Variants in ANGPT4 observed in about 807,000 individuals in gnomAD.
The protein encoded by ANGPT4 is angiopoietin-4.
In ANGPT4, 50 loss-of-function variants were observed where a neutral mutation model predicts 53.0. The ratio of observed to expected loss-of-function variants is 0.94; its 90% CI spans 0.75 to 1.20. The LOEUF (loss-of-function observed/expected upper bound fraction) is 1.20. Among genes scored for constraint, ANGPT4 ranks in the 50% most tolerant of loss-of-function variants. ANGPT4 has a pLI of 0.00. For missense variants in ANGPT4, 648 were observed against 637.1 expected, an observed-to-expected ratio of 1.02 and a Z score of -0.18; for synonymous variants, 251 against 259.7, an observed-to-expected ratio of 0.97 and a Z score of 0.32.
intron 1 of ANGPT4, among the ~76,000 whole-genome samples, chr20:899,890 G>A (rs894071226): frequency 3.9e-5 from 6 of 152,154 alleles, no homozygotes; most frequent in African/African-American, 1.4e-4. Context: ...ACTGCCACAA[G>A]GCTTCAGGGA....
chr20:873,699 T>A (rs1981043297), intron 8 of ANGPT4, among the ~76,000 whole-genome samples: 1 of 151,998 alleles, frequency 6.6e-6, no homozygotes, highest in African/African-American at 2.4e-5. Context: ...TTCTCCCCCA[T>A]CTCCCTCTGT....
chr20:914,703 T>A lies in ANGPT4; in HGVS notation c.309+1203A>T, dbSNP rs1230541001. Among the ~76,000 whole-genome samples the A allele has an allele frequency of 6.6e-6, 1 of 152,072 alleles. No individual in the cohort carries two copies. Among genetic ancestry groups the A allele is most frequent in the African/African-American group, 2.4e-5 (1 of 41,382 alleles). ...GCCCAGACTGTCTCCTGGGTCCCTCTCCCTTTCCTTGGTAGCTCTCACTTA... is the reference window on the plus strand; with the variant it reads ...GCCCAGACTGTCTCCTGGGTCCCTCACCCTTTCCTTGGTAGCTCTCACTTA... On this transcript the variant is annotated intron_variant, in intron 1 of 8. Transcript: ENST00000381922. This position sits in a 1 kb window ranked among gnomAD's most constrained non-coding sequence, Gnocchi z 5.0.
At chr20:885,438 G>A in intron 3 of ANGPT4, 113 bp from the exon 4 acceptor site, 1 of 1,403,306 alleles carries the variant, frequency 7.1e-7, no homozygotes, top group Non-Finnish European at 9.3e-7. Flanking sequence ...CTCAAGTGTG[G>A]TGGAACGTCC....
chr20:888,222 C>T (rs1981688685), intron 3 of ANGPT4, 96 bp downstream of exon 3: 1 of 1,475,830 alleles, frequency 6.8e-7, no homozygotes, highest in African/African-American at 1.4e-5. Context: ...TGGCTCCAGC[C>T]CCAGTCCTAG....
intron 5 of ANGPT4, among the ~76,000 whole-genome samples, chr20:880,718 T>G (rs761113418): frequency 4.6e-5 from 7 of 152,180 alleles, no homozygotes; most frequent in Non-Finnish European, 1.0e-4. Flanking sequence ...TGACCTTAAA[T>G]TTTAGGACAA....
intron 1 of ANGPT4, among the ~76,000 whole-genome samples, chr20:910,456 C>T (rs372365119): frequency 6.6e-6 from 1 of 152,252 alleles, no homozygotes; most frequent in South Asian, 2.1e-4. Flanking sequence ...AGTGGTACCC[C>T]TGGGACTTGA....
chr20:877,642 G>A (rs1323351255), intron 7 of ANGPT4, among the ~76,000 whole-genome samples: 1 of 152,206 alleles, frequency 6.6e-6, no homozygotes, highest in Non-Finnish European at 1.5e-5. Flanking sequence ...GGCTGAGGAA[G>A]GGGTGAGAAA....
chr20:871,467 TG>T lies in ANGPT4; in HGVS notation c.*1492del, dbSNP rs1980937246. ...CAACAGGGCAGACAGCATGACACAGTGATGGGGGCAGGTGACAGAGTAGCTG... is the reference window on the plus strand; with the variant it reads ...CAACAGGGCAGACAGCATGACACAGTATGGGGGCAGGTGACAGAGTAGCTG... On this transcript the variant is annotated 3_prime_UTR_variant, in exon 9 of 9. Transcript: ENST00000381922. 6.6e-6 allele frequency: 1 copy of T among 152,398 alleles called. No individual in the cohort carries two copies. Among genetic ancestry groups the T allele is most frequent in the Admixed American group, 6.5e-5 (1 of 15,284 alleles). 9.4% of individuals were successfully genotyped at this position (152,398 alleles called of 1,614,324 possible).
chr20:882,010 C>T (rs988693528), intron 4 of ANGPT4, among the ~76,000 whole-genome samples: 2 of 152,182 alleles, frequency 1.3e-5, no homozygotes, highest in African/African-American at 4.8e-5. Flanking sequence ...CAGAACCTTC[C>T]TTCTTTGGAG....
rs576318074 is a variant in ANGPT4 at position 892,247 on chromosome 20, A to G, written c.310-1879T>C. Among the ~76,000 whole-genome samples the G allele has an allele frequency of 3.3e-5, 5 of 152,222 alleles. 1 individual carries two copies. Among genetic ancestry groups the G allele is most frequent in the Admixed American group, 3.3e-4 (5 of 15,282 alleles). On this transcript the variant is annotated intron_variant, in intron 1 of 8. Transcript: ENST00000381922. ...CTTCATACCCACCCTCACTTAAAAA[A>G]CAACAACAACAACATAACGTTAATA...
chr20:898,650 G>A (rs1054525318), intron 1 of ANGPT4, among the ~76,000 whole-genome samples: 1 of 152,204 alleles, frequency 6.6e-6, no homozygotes, highest in African/African-American at 2.4e-5. Flanking sequence ...CCTTCAAGGT[G>A]TACAATAATA....
chr20:882,081 C>G (rs1428167948), intron 4 of ANGPT4, among the ~76,000 whole-genome samples: 1 of 152,196 alleles, frequency 6.6e-6, no homozygotes, highest in African/African-American at 2.4e-5. Flanking sequence ...CTGTATCTCC[C>G]TGCTGCCCTG....
At chr20:896,321 G>C (rs1982048859) in intron 1 of ANGPT4, among the ~76,000 whole-genome samples, 1 of 152,176 alleles carries the variant, frequency 6.6e-6, no homozygotes. Context: ...CTTGATGAAT[G>C]CTATGAAGAA....
chr20:874,988 G>A (rs1981104766), intron 7 of ANGPT4, among the ~76,000 whole-genome samples: 1 of 152,066 alleles, frequency 6.6e-6, no homozygotes, highest in East Asian at 1.9e-4. Context: ...CCAAAGCACT[G>A]GGATTACAGA....
At chr20:887,064 C>T (rs939449315) in intron 3 of ANGPT4, among the ~76,000 whole-genome samples, 13 of 152,182 alleles carry the variant, frequency 8.5e-5, no homozygotes. Context: ...ACAGTGGCTA[C>T]CTCTGGCTTG....
chr20:884,558 T>A (rs1204709905), intron 4 of ANGPT4, among the ~76,000 whole-genome samples: 1 of 152,222 alleles, frequency 6.6e-6, no homozygotes, highest in Non-Finnish European at 1.5e-5. Context: ...AGCCCAGAAT[T>A]GTTTTCTTGA....
Position 872,849 on chromosome 20 carries a change from C to G in ANGPT4, c.*111G>C. 7.1e-7 allele frequency: 1 copy of G among 1,410,400 alleles called. No homozygotes were observed. Among genetic ancestry groups the G allele is most frequent in the South Asian group, 1.3e-5 (1 of 76,786 alleles). 87.4% of individuals were successfully genotyped at this position (1,410,400 alleles called of 1,614,324 possible). A position where few individuals can be genotyped will look rare whatever the true frequency, so the allele number is the denominator to read the frequency against. ...TCAAGGAGGGCTGGCTCAGGAAGCC[C>G]AGGGTGTCAGGGAAGGCGGTGGCAC... On this transcript the variant is annotated 3_prime_UTR_variant, in exon 9 of 9. Coordinates refer to ENST00000381922, the MANE Select transcript of ANGPT4 (RefSeq NM_015985.4).
Position 872,810 on chromosome 20 carries a change from T to C in ANGPT4, c.*150A>G. Reference sequence around the variant, plus strand: ...GGGGAGTTGGGGGGCAGATGACCCTTCTGGACTTCTGGGTCAAGGAGGGCT... The same window carrying C: ...GGGGAGTTGGGGGGCAGATGACCCTCCTGGACTTCTGGGTCAAGGAGGGCT... On this transcript the variant is annotated 3_prime_UTR_variant, in exon 9 of 9. Coordinates refer to ENST00000381922, the MANE Select transcript of ANGPT4 (RefSeq NM_015985.4). The C allele has an allele frequency of 1.0e-6, 1 of 963,700 alleles. No homozygotes were observed. Among genetic ancestry groups the C allele is most frequent in the South Asian group, 1.6e-5 (1 of 64,112 alleles). 59.7% of individuals were successfully genotyped at this position (963,700 alleles called of 1,614,324 possible).
rs893102560 is a variant in ANGPT4 at position 872,835 on chromosome 20, T to C, written c.*125A>G. The C allele has an allele frequency of 6.3e-6, 8 of 1,265,600 alleles. No individual in the cohort carries two copies. Among genetic ancestry groups the C allele is most frequent in the Non-Finnish European group, 7.7e-6 (7 of 904,446 alleles). 78.4% of individuals were successfully genotyped at this position (1,265,600 alleles called of 1,614,324 possible). ...TCTGGACTTCTGGGTCAAGGAGGGC[T>C]GGCTCAGGAAGCCCAGGGTGTCAGG... is the stretch of plus-strand genomic sequence containing the variant. On this transcript the variant is annotated 3_prime_UTR_variant, in exon 9 of 9. Transcript: ENST00000381922.
Sources: allele counts gnomAD v4.1 joint callset (sites outside exome capture counted in the v4.1 genomes callset), GRCh38; gene constraint gnomAD v4.1.1; non-coding constraint Gnocchi (gnomAD v3.1); transcripts MANE v1.5; gene names NCBI Gene and HGNC (gene_info 2026-07-23, HGNC 2026-07-21).